The following UCK2 variants were observed in gnomAD, a reference collection of about 807,000 sequenced individuals.
The protein encoded by UCK2 is cytidine monophosphokinase 2.
A neutral mutation model predicts 30.8 loss-of-function variants in UCK2; 6 were observed. That is an observed-to-expected ratio of 0.19 (90% CI 0.11 to 0.38). The LOEUF (loss-of-function observed/expected upper bound fraction) is 0.38, where lower values mean the gene tolerates loss of function less well. UCK2 is among the 10% of genes least tolerant of loss of function. The probability of loss-of-function intolerance (pLI) is 1.00; values close to 1 mark genes in which losing one functional copy is unlikely to be tolerated. For missense variants in UCK2, 210 were observed against 339.8 expected (o/e 0.62, Z 3.00); for synonymous variants, 125 against 133.6 (o/e 0.94, Z 0.45).
intron 1 of UCK2, among the ~76,000 whole-genome samples, chr1:165,845,701 T>C (rs927515435): frequency 6.6e-6 from 1 of 152,208 alleles, no homozygotes; most frequent in Non-Finnish European, 1.5e-5. Flanking sequence ...ACAGTCTCGC[T>C]CTGTTGCCCA....
intron 1 of UCK2, among the ~76,000 whole-genome samples, chr1:165,866,222 A>AT (rs538273462): frequency 1.3e-3 from 197 of 152,138 alleles, no homozygotes; most frequent in African/African-American, 4.4e-3. Flanking sequence ...CAAGCTATTG[A>AT]TTTTTTTTGA....
chr1:165,828,798 G>A (rs1440841521), intron 1 of UCK2, among the ~76,000 whole-genome samples: 1 of 152,178 alleles, frequency 6.6e-6, no homozygotes, highest in East Asian at 1.9e-4. Flanking sequence ...AGGTGGAGAA[G>A]GGTGGAGTCC....
chr1:165,901,947 C>CAAAA lies in UCK2; in HGVS notation c.500-1220_500-1217dup, dbSNP rs35032034. 2.6e-3 allele frequency among the ~76,000 whole-genome samples: 282 copies of CAAAA among 109,098 alleles called. 6 individuals are homozygous for CAAAA. The highest frequency in any genetic ancestry group is 9.8e-3 in the African/African-American group (264 of 26,988). 71.6% of individuals were successfully genotyped at this position (109,098 alleles called of 152,430 possible). On this transcript the variant is annotated intron_variant, in intron 4 of 6. Coordinates refer to ENST00000367879, the MANE Select transcript of UCK2 (RefSeq NM_012474.5). ...CAACAAAGCAAGACCCCGTGTCTAC[C>CAAAA]AAAAAAAAAAAAAAAAAAGGCTCAC...
chr1:165,893,411 C>G (rs1489047952), intron 3 of UCK2, among the ~76,000 whole-genome samples: 1 of 152,192 alleles, frequency 6.6e-6, no homozygotes, highest in African/African-American at 2.4e-5. Flanking sequence ...AGACCCATAT[C>G]CACCCCTTTC....
At chr1:165,849,137 CA>C (rs1315133715) in intron 1 of UCK2, among the ~76,000 whole-genome samples, 1 of 152,040 alleles carries the variant, frequency 6.6e-6, no homozygotes, top group African/African-American at 2.4e-5. Flanking sequence ...GTGCACTCAA[CA>C]AAAGGATTAG....
At chr1:165,830,772 A>G (rs7533364) in intron 1 of UCK2, among the ~76,000 whole-genome samples, 40,976 of 151,944 alleles carry the variant, frequency 0.27, 6,846 homozygotes, top group East Asian at 0.64. Flanking sequence ...GGTGGCTCAC[A>G]CCTGTAATCC....
chr1:165,860,651 T>C (rs1008361380), intron 1 of UCK2, among the ~76,000 whole-genome samples: 1 of 152,180 alleles, frequency 6.6e-6, no homozygotes, highest in Non-Finnish European at 1.5e-5. Context: ...AGTTTCAACA[T>C]GTTGGTCAGG....
chr1:165,874,307 A>G (rs193052852), intron 1 of UCK2, among the ~76,000 whole-genome samples: 17 of 152,270 alleles, frequency 1.1e-4, no homozygotes, highest in Admixed American at 7.2e-4. Context: ...GTTGACTCCA[A>G]TAGGGATGAC....
intron 1 of UCK2, among the ~76,000 whole-genome samples, chr1:165,889,313 A>G (rs1368855220): frequency 6.6e-6 from 1 of 152,208 alleles, no homozygotes; most frequent in African/African-American, 2.4e-5. Context: ...CTCTCTGGCC[A>G]TGGTTTTTGG....
rs2101843878 is a variant in UCK2, at chr1:165,827,995, C to T, written c.99+63C>T. On this transcript the variant is annotated intron_variant, in intron 1 of 6. Transcript: ENST00000367879. Reference sequence around the variant, plus strand: ...TCTGTCCCTGGGCGGCGCATGTGGCCGGCGGCCGCGGGCCGTGTCAGTTGC... The same window carrying T: ...TCTGTCCCTGGGCGGCGCATGTGGCTGGCGGCCGCGGGCCGTGTCAGTTGC... 3.3e-6 allele frequency: 4 copies of T among 1,195,810 alleles called. No homozygotes were observed. In the South Asian group the frequency reaches 1.5e-4, roughly 46 times the overall value. 74.1% of individuals were successfully genotyped at this position (1,195,810 alleles called of 1,614,324 possible). A position where few individuals can be genotyped will look rare whatever the true frequency, so the allele number is the denominator to read the frequency against.
intron 5 of UCK2, among the ~76,000 whole-genome samples, chr1:165,904,381 G>A (rs1647579944): frequency 1.3e-5 from 2 of 152,126 alleles, no homozygotes; most frequent in African/African-American, 4.8e-5. Flanking sequence ...GGAGACTATT[G>A]AGTTACAAGA....
At chr1:165,828,883 C>T (rs966538486) in intron 1 of UCK2, among the ~76,000 whole-genome samples, 2 of 152,092 alleles carry the variant, frequency 1.3e-5, no homozygotes, top group Admixed American at 1.3e-4. Context: ...CGTTTAACAC[C>T]CTCCAACTTC....
At chr1:165,903,061 C>T in intron 4 of UCK2, 121 bp from the exon 5 acceptor site, 2 of 720,742 alleles carry the variant, frequency 2.8e-6, no homozygotes, top group Admixed American at 2.6e-5. Flanking sequence ...TCTCAGGATT[C>T]CAGCTTGAGA....
intron 1 of UCK2, among the ~76,000 whole-genome samples, chr1:165,833,051 C>T (rs949122301): frequency 1.3e-5 from 2 of 152,122 alleles, no homozygotes; most frequent in African/African-American, 4.8e-5. Context: ...TGCAGCTTGG[C>T]CGTGAGTCAG....
chr1:165,871,976 C>G (rs1253678747), intron 1 of UCK2, among the ~76,000 whole-genome samples: 1 of 149,898 alleles, frequency 6.7e-6, no homozygotes, highest in Admixed American at 6.6e-5. Flanking sequence ...GACAGGATAT[C>G]AACAAACCAG....
At chr1:165,837,644 G>C (rs1242362768) in intron 1 of UCK2, among the ~76,000 whole-genome samples, 1 of 152,138 alleles carries the variant, frequency 6.6e-6, no homozygotes, top group African/African-American at 2.4e-5. Flanking sequence ...TGCTTGTTTA[G>C]TCTATCTTCT....
chr1:165,860,496 G>A (rs991909194), intron 1 of UCK2, among the ~76,000 whole-genome samples: 4 of 151,984 alleles, frequency 2.6e-5, no homozygotes, highest in Non-Finnish European at 5.9e-5. Context: ...TTGCCCAGGC[G>A]GGAGTGCAGT....
At chr1:165,882,706 C>T (rs1245561059) in intron 1 of UCK2, among the ~76,000 whole-genome samples, 1 of 152,146 alleles carries the variant, frequency 6.6e-6, no homozygotes, top group African/African-American at 2.4e-5. Flanking sequence ...CCCTCAAGCC[C>T]TTTCATAAGG....
intron 1 of UCK2, among the ~76,000 whole-genome samples, chr1:165,856,048 C>T (rs901052504): frequency 3.3e-5 from 5 of 151,988 alleles, no homozygotes; most frequent in African/African-American, 1.2e-4. Flanking sequence ...TATATATAAA[C>T]CATAAAGAAT....
Sources: gnomAD v4.1 joint callset for allele counts (sites outside exome capture counted in the v4.1 genomes callset) on GRCh38, gnomAD v4.1.1 for gene constraint, MANE v1.5 for transcripts, NCBI Gene and HGNC (gene_info 2026-07-23, HGNC 2026-07-21) for gene names.